Variants in PDGFC observed in about 807,000 individuals in gnomAD.
PDGFC encodes the protein platelet derived growth factor C, also known as platelet-derived growth factor C.
In PDGFC, 12 loss-of-function variants were observed where a neutral mutation model predicts 35.5. The ratio of observed to expected loss-of-function variants is 0.34; its 90% CI spans 0.22 to 0.55. The LOEUF (loss-of-function observed/expected upper bound fraction) is 0.55, where lower values mean the gene tolerates loss of function less well. PDGFC is among the 20% of genes least tolerant of loss of function. The pLI is 0.91. For missense variants in PDGFC, 322 were observed against 412.4 expected (o/e 0.78, Z 1.90); for synonymous variants, 159 against 148.8 (o/e 1.07, Z -0.50).
chr4:156,806,635 T>C (rs1218296446), intron 3 of PDGFC, among the ~76,000 whole-genome samples: 1 of 151,972 alleles, frequency 6.6e-6, no homozygotes, highest in Non-Finnish European at 1.5e-5. Flanking sequence ...ATTTGTATAT[T>C]TTACTTAAAA....
intron 1 of PDGFC, among the ~76,000 whole-genome samples, chr4:156,959,123 C>A (rs1301734365): frequency 6.6e-6 from 1 of 152,028 alleles, no homozygotes; most frequent in Non-Finnish European, 1.5e-5. Flanking sequence ...CAGATCAATT[C>A]AATCTTCATA....
chr4:156,850,474 A>G lies in PDGFC; in HGVS notation c.119-58T>C, dbSNP rs1729427697. The G allele has an allele frequency of 4.1e-6, 4 of 971,120 alleles. No homozygotes were observed. In the East Asian group the frequency reaches 1.0e-4, roughly 24 times the overall value. 60.2% of individuals were successfully genotyped at this position (971,120 alleles called of 1,614,324 possible). A position where few individuals can be genotyped will look rare whatever the true frequency, so the allele number is the denominator to read the frequency against. On this transcript the variant is annotated intron_variant, in intron 1 of 5. Transcript: ENST00000502773. The stretch of plus-strand genomic sequence containing the variant: ...TTAGATTTCAAAAATTATAGGTATC[A>G]AAGCAAGTGTTTATTATTCACACTT...
chr4:156,912,648 A>G (rs1731065638), intron 1 of PDGFC, among the ~76,000 whole-genome samples: 1 of 152,194 alleles, frequency 6.6e-6, no homozygotes, highest in Non-Finnish European at 1.5e-5. Context: ...CGGGTTTCCT[A>G]TGTCTACTTG....
intron 2 of PDGFC, among the ~76,000 whole-genome samples, chr4:156,839,695 T>C (rs1560835428): frequency 6.6e-6 from 1 of 152,122 alleles, no homozygotes; most frequent in African/African-American, 2.4e-5. Flanking sequence ...AGTTTGAAAC[T>C]TCCTCGAGAC....
rs1234564995 is a variant in PDGFC, at chr4:156,762,736, G to A, written c.*354C>T. Reference sequence around the variant, plus strand: ...TGCTCACTTGCACAGTTTTTTTCCTGTACTGACATTACCCTAAGCCGTATC... The same window carrying A: ...TGCTCACTTGCACAGTTTTTTTCCTATACTGACATTACCCTAAGCCGTATC... On this transcript the variant is annotated 3_prime_UTR_variant, in exon 6 of 6. Transcript: ENST00000502773. The A allele has an allele frequency of 6.0e-6, 1 of 166,494 alleles. No homozygotes were observed. The highest frequency in any genetic ancestry group is 2.4e-5 in the African/African-American group (1 of 41,884). The allele number at this position is 166,494 out of a possible 1,614,324, so 10.3% of individuals were successfully genotyped here.
chr4:156,965,018 T>C (rs917417370), intron 1 of PDGFC, among the ~76,000 whole-genome samples: 1 of 152,194 alleles, frequency 6.6e-6, no homozygotes, highest in African/African-American at 2.4e-5. Context: ...GCAATGACAC[T>C]TAAAAGAGTA....
intron 1 of PDGFC, among the ~76,000 whole-genome samples, chr4:156,950,725 A>C (rs1579120960): frequency 6.6e-6 from 1 of 151,860 alleles, no homozygotes; most frequent in African/African-American, 2.4e-5. Flanking sequence ...TAAATCAGAA[A>C]AAAAATCTAT....
intron 1 of PDGFC, among the ~76,000 whole-genome samples, chr4:156,969,929 G>A (rs114353415): frequency 0.021 from 3,212 of 152,244 alleles, 40 homozygotes; most frequent in Middle Eastern, 0.048. Flanking sequence ...TAGATGAAGA[G>A]AAAAAGAGTT....
At chr4:156,839,810 C>A (rs1241313609) in intron 2 of PDGFC, among the ~76,000 whole-genome samples, 1 of 152,082 alleles carries the variant, frequency 6.6e-6, no homozygotes, top group Non-Finnish European at 1.5e-5. Context: ...ACAATGAGGT[C>A]GAGGCAGAGG....
At position 156,833,315 on chromosome 4, in the gene PDGFC, G is replaced by A. The variant is rs145378003; in HGVS notation, c.314+16906C>T. Among the ~76,000 whole-genome samples the A allele has an allele frequency of 1.6e-3, 238 of 152,328 alleles. 1 individual carries two copies. The highest frequency in any genetic ancestry group is 5.2e-3 in the African/African-American group (217 of 41,564). ...CTACTGTGTAACTCAGGCTTCTTTA[G>A]TAGTGGATATTCAATAAGCACGTAT... On this transcript the variant is annotated intron_variant, in intron 2 of 5. Transcript: ENST00000502773.
At chr4:156,970,386 C>T (rs984575255) in intron 1 of PDGFC, among the ~76,000 whole-genome samples, 1 of 152,190 alleles carries the variant, frequency 6.6e-6, no homozygotes, top group Non-Finnish European at 1.5e-5. Context: ...TGATATATTT[C>T]CTGACCGACC....
chr4:156,895,767 G>A (rs1452045640), intron 1 of PDGFC, among the ~76,000 whole-genome samples: 2 of 152,032 alleles, frequency 1.3e-5, no homozygotes, highest in Non-Finnish European at 2.9e-5. Flanking sequence ...TACATAAGTG[G>A]TTTTAAACAA....
intron 3 of PDGFC, chr4:156,778,321 G>A: frequency 8.9e-6 from 2 of 225,328 alleles, no homozygotes; most frequent in Admixed American, 1.0e-4. Context: ...TGGTGAATGT[G>A]GACCAGAAAA....
chr4:156,850,726 C>G lies in PDGFC; in HGVS notation c.119-310G>C, dbSNP rs1336891346. 2.0e-5 allele frequency among the ~76,000 whole-genome samples: 3 copies of G among 151,978 alleles called. No homozygotes were observed. In the South Asian group the frequency reaches 6.2e-4, roughly 31 times the overall value. ...ATCACAATAAAGCTGAGTTAACATTCAAATTTCTGAGAAGTTATCAAATAT... is the reference window on the plus strand; with the variant it reads ...ATCACAATAAAGCTGAGTTAACATTGAAATTTCTGAGAAGTTATCAAATAT... On this transcript the variant is annotated intron_variant, in intron 1 of 5. Coordinates refer to ENST00000502773, the MANE Select transcript of PDGFC (RefSeq NM_016205.3).
At chr4:156,902,312 T>C (rs1730808399) in intron 1 of PDGFC, among the ~76,000 whole-genome samples, 1 of 152,216 alleles carries the variant, frequency 6.6e-6, no homozygotes, top group Admixed American at 6.5e-5. Context: ...TTAATGAGTC[T>C]TAATATTCTG....
chr4:156,958,482 A>G lies in PDGFC; in HGVS notation c.118+12304T>C, dbSNP rs186460569. On this transcript the variant is annotated intron_variant, in intron 1 of 5. Coordinates refer to ENST00000502773, the MANE Select transcript of PDGFC (RefSeq NM_016205.3). ...GTTGCCAGTGTGGTATGATGCCATC[A>G]GTTTTCAAAACTTAGAAAGGCTCAT... Among the ~76,000 whole-genome samples the G allele has an allele frequency of 2.0e-5, 3 of 152,190 alleles. No homozygotes were observed. The East Asian group carries it at 5.8e-4, about 29-fold the overall frequency.
At chr4:156,856,398 G>A (rs544992853) in intron 1 of PDGFC, among the ~76,000 whole-genome samples, 1 of 152,204 alleles carries the variant, frequency 6.6e-6, no homozygotes, top group South Asian at 2.1e-4. Context: ...TAAAAATAAA[G>A]TCCTGTCCTC....
At chr4:156,877,012 C>G (rs1267371515) in intron 1 of PDGFC, among the ~76,000 whole-genome samples, 2 of 152,030 alleles carry the variant, frequency 1.3e-5, no homozygotes, top group African/African-American at 4.8e-5. Flanking sequence ...AAGAGTGGTC[C>G]ATTTATCTAA....
intron 1 of PDGFC, among the ~76,000 whole-genome samples, chr4:156,910,805 T>C (rs1731021100): frequency 6.6e-6 from 1 of 152,136 alleles, no homozygotes; most frequent in Non-Finnish European, 1.5e-5. Flanking sequence ...ATGCTCACCA[T>C]ATTTTCATAG....
Sources: gnomAD v4.1 joint callset for allele counts (sites outside exome capture counted in the v4.1 genomes callset) on GRCh38, gnomAD v4.1.1 for gene constraint, MANE v1.5 for transcripts, NCBI Gene and HGNC (gene_info 2026-07-23, HGNC 2026-07-21) for gene names.